The following COL6A1 variants were observed in gnomAD, a reference collection of about 807,000 sequenced individuals.
The protein encoded by COL6A1 is collagen alpha-1(VI) chain.
COL6A1 carries 80 observed loss-of-function variants against 145.6 expected under a neutral mutation model. The ratio of observed to expected loss-of-function variants is 0.55; its 90% CI spans 0.46 to 0.66. COL6A1 has a LOEUF of 0.66. COL6A1 is among the 30% of genes least tolerant of loss of function. The pLI is 0.00. For synonymous variants in COL6A1, 638 were observed against 622.8 expected (o/e 1.02, Z -0.36); for missense variants, 1,364 against 1,473.8 (o/e 0.93, Z 1.22).
chr21:46,000,131 G>A (rs961355029), intron 27 of COL6A1, among the ~76,000 whole-genome samples, 200 bp from the exon 28 acceptor site: 10 of 152,074 alleles, frequency 6.6e-5, no homozygotes, highest in South Asian at 2.1e-4. Context: ...CCATGACTGC[G>A]CTGTTTCTAT....
chr21:45,983,057 T>C (rs993323936), intron 2 of COL6A1, among the ~76,000 whole-genome samples: 4 of 150,510 alleles, frequency 2.7e-5, no homozygotes, highest in Non-Finnish European at 4.4e-5. Context: ...GAGGCTGAGA[T>C]GTAGGGAAGA....
rs756884829 is a variant in COL6A1 at position 45,992,050 on chromosome 21, G to A, written c.1160G>A (p.Ser387Asn). Residue 387 changes from serine (S) to asparagine (N), a missense_variant, in exon 16 of 35, where the codon AGC (serine) becomes AAC (asparagine). Ser to Asn is a conservative substitution (Grantham distance 46). Coordinates refer to ENST00000361866, the MANE Select transcript of COL6A1 (RefSeq NM_001848.3). The stretch of plus-strand genomic sequence containing the variant: ...GACGGGGAGGCGGGGAGACCAGGGA[G>A]CTCGGGACCATCTGGAGACGAGGTG... The part of the protein sequence containing the change: ...GADGEAGRPG[S>N]SGPSGDEGQP... The A allele has an allele frequency of 9.8e-5, 158 of 1,609,476 alleles. No homozygotes were observed. Among genetic ancestry groups the A allele is most frequent in the Non-Finnish European group, 1.1e-4 (135 of 1,178,448 alleles).
rs1318753956 is a variant in COL6A1 at position 45,992,481 on chromosome 21, C to T, written c.1272+83C>T. 9 of 1,506,022 alleles carry T rather than the reference C, an allele frequency of 6.0e-6. No homozygotes were observed. The East Asian group carries it at 2.1e-4, about 35-fold the overall frequency. The allele number at this position is 1,506,022 out of a possible 1,614,324, so 93.3% of individuals were successfully genotyped here. Reference sequence around the variant, plus strand: ...CCTCTGCGGCCCAGTCTGGCCCTCCCAGCACTGAGAGCCATGGCCTCCTGC... The same window carrying T: ...CCTCTGCGGCCCAGTCTGGCCCTCCTAGCACTGAGAGCCATGGCCTCCTGC... On this transcript the variant is annotated intron_variant, in intron 18 of 34. Transcript: ENST00000361866.
rs373678913 is a variant in COL6A1 at position 45,992,143 on chromosome 21, T to C, written c.1183-21T>C. ...GAGGGTCAAGGAGATGGAGCGACCA[T>C]TCAACCCTTGTTCCCCACAGGGCCA... is the stretch of plus-strand genomic sequence containing the variant. On this transcript the variant is annotated intron_variant, in intron 16 of 34. Transcript: ENST00000361866. 6.1e-5 allele frequency: 99 copies of C among 1,613,520 alleles called. No homozygotes were observed. In the African/African-American group the frequency reaches 1.1e-3, roughly 18 times the overall value.
intron 20 of COL6A1, among the ~76,000 whole-genome samples, chr21:45,995,093 G>C (rs1358990688): frequency 6.6e-6 from 1 of 152,242 alleles, no homozygotes; most frequent in Non-Finnish European, 1.5e-5. Context: ...TTCTGTGCAC[G>C]AGGTGAAATC....
chr21:45,999,915 T>TGGG (rs749345684), intron 27 of COL6A1, among the ~76,000 whole-genome samples: 2 of 16,030 alleles, frequency 1.2e-4, no homozygotes, highest in African/African-American at 1.6e-4. Flanking sequence ...GTGAGGATCA[T>TGGG]GGGGGACATG....
At chr21:45,998,035 G>C in intron 22 of COL6A1, 86 bp from the exon 23 acceptor site, 2 of 1,522,582 alleles carry the variant, frequency 1.3e-6, no homozygotes, top group South Asian at 1.2e-5. Flanking sequence ...GGGGCCCTGC[G>C]GGTGAGGTGC....
In COL6A1 at chr21:45,987,094, CG is replaced by C. The variant is rs1569517907; in HGVS notation, c.717+26del. On this transcript the variant is annotated intron_variant, in intron 5 of 34. Coordinates refer to ENST00000361866, the MANE Select transcript of COL6A1 (RefSeq NM_001848.3). Reference sequence around the variant, plus strand: ...GATCGTGAGGCCCCTGCCCAGGAGACGGGGAGGCCCGCGGCGGCCGCAGGTG... The same window carrying C: ...GATCGTGAGGCCCCTGCCCAGGAGACGGGAGGCCCGCGGCGGCCGCAGGTG... The C allele has an allele frequency of 2.6e-6, 4 of 1,564,640 alleles. 1 individual carries two copies. In the Admixed American group the frequency reaches 7.6e-5, roughly 30 times the overall value.
In COL6A1 at chr21:45,986,891, C is replaced by A. The variant is rs149391064; in HGVS notation, c.589-53C>A. The stretch of plus-strand genomic sequence containing the variant: ...CCCTCTGGCCCTGTGGGAAGCGGCC[C>A]CGGCCGTCAGGGGTCCCAGCCCTGC... On this transcript the variant is annotated intron_variant, in intron 4 of 34. Transcript: ENST00000361866. 1,428 of 1,535,390 alleles carry A rather than the reference C, an allele frequency of 9.3e-4. 12 individuals are homozygous for A. In the African/African-American group the frequency reaches 0.018, roughly 19 times the overall value.
rs781341547 is a variant in COL6A1 at position 46,001,982 on chromosome 21, G to A, written c.1978G>A (p.Ala660Thr). Residue 660 changes from alanine (A) to threonine (T), a missense_variant, in exon 31 of 35, where the codon GCG becomes ACG. By Grantham distance (58) the Ala-to-Thr change is moderately conservative. Coordinates refer to ENST00000361866, the MANE Select transcript of COL6A1 (RefSeq NM_001848.3). ...ACAGTTCGAGCCAGGGCAGTCGTAC[G>A]CGGGTGTGGTGCAGTACAGCCACAG... ...LVKFEPGQSY[A>T]GVVQYSHSQM... 38 of 1,612,454 alleles carry A rather than the reference G, an allele frequency of 2.4e-5. 1 individual carries two copies. In the Middle Eastern group the frequency reaches 4.9e-4, roughly 21 times the overall value.
In COL6A1 at chr21:45,999,638, T is replaced by G; in HGVS notation, c.1741-19T>G. 1.2e-6 allele frequency: 2 copies of G among 1,613,178 alleles called. No individual in the cohort carries two copies. Among genetic ancestry groups the G allele is most frequent in the Non-Finnish European group, 1.7e-6 (2 of 1,179,862 alleles). On this transcript the variant is annotated intron_variant, in intron 26 of 34. Coordinates refer to ENST00000361866, the MANE Select transcript of COL6A1 (RefSeq NM_001848.3). ...GGGCTCCTCACCCTCAGAGCTCCTC[T>G]ACTCCGTTTCTCGGACAGGGACCCC...
chr21:45,989,381 C>T (rs550682504), intron 9 of COL6A1, among the ~76,000 whole-genome samples: 142 of 152,310 alleles, frequency 9.3e-4, no homozygotes, highest in African/African-American at 3.2e-3. Context: ...GTGCTCAGGC[C>T]GGCACCGTCC....
chr21:45,986,181 G>A (rs927609704), intron 3 of COL6A1, among the ~76,000 whole-genome samples: 1 of 152,178 alleles, frequency 6.6e-6, no homozygotes, highest in Admixed American at 6.5e-5. Context: ...GTGGGTAGAC[G>A]CGGCGGGCAT....
At chr21:45,997,276 C>T in intron 20 of COL6A1, 145 bp from the exon 21 acceptor site, 1 of 786,792 alleles carries the variant, frequency 1.3e-6, no homozygotes, top group Non-Finnish European at 2.2e-6. Context: ...AAGAGTGGGC[C>T]TGGCTCTCCC....
At chr21:45,987,715 C>G in intron 8 of COL6A1, 61 bp downstream of exon 8, 1 of 1,548,726 alleles carries the variant, frequency 6.5e-7, no homozygotes, top group East Asian at 2.3e-5. Flanking sequence ...GGTGGCAGGA[C>G]CAAAGCCTCC....
At position 45,998,897 on chromosome 21, in the gene COL6A1, G is replaced by A; in HGVS notation, c.1612G>A (p.Gly538Ser). The A allele has an allele frequency of 1.3e-6, 2 of 1,554,504 alleles. No individual in the cohort carries two copies. The highest frequency in any genetic ancestry group is 1.7e-6 in the Non-Finnish European group (2 of 1,148,512). ...PGNRGAPGIN[G>S]TKGYPGLKGD... ...ACCAAGTGCTCTCCCGTCACTGCAGGGCACGAAGGGCTACCCCGGCCTCAA... is the reference window on the plus strand; with the variant it reads ...ACCAAGTGCTCTCCCGTCACTGCAGAGCACGAAGGGCTACCCCGGCCTCAA... The change falls in exon 25 of 35, where the codon GGC (glycine) becomes AGC (serine). Residue 538 changes from glycine (G) to serine (S), a missense_variant and splice_region_variant. Transcript: ENST00000361866.
In COL6A1 at chr21:46,002,351, A is replaced by T; in HGVS notation, c.2200A>T (p.Thr734Ser). ...GGTCATCACTGACGGGCGCTCAGAC[A>T]CTCAGAGGGACACCACACCGCTCAA... ...ALVITDGRSD[T>S]QRDTTPLNVL... The change falls in exon 32 of 35, where the codon ACT becomes TCT. Residue 734 changes from threonine to serine, a missense_variant. Thr to Ser is a moderately conservative substitution (Grantham distance 58, BLOSUM62 1). Coordinates refer to ENST00000361866, the MANE Select transcript of COL6A1 (RefSeq NM_001848.3). The T allele has an allele frequency of 1.3e-6, 2 of 1,592,066 alleles. No individual in the cohort carries two copies. Among genetic ancestry groups the T allele is most frequent in the Non-Finnish European group, 1.7e-6 (2 of 1,170,070 alleles).
At chr21:45,989,692 C>T (rs80311096) in intron 10 of COL6A1, 40 bp downstream of exon 10, 5 of 1,613,124 alleles carry the variant, frequency 3.1e-6, no homozygotes, top group Middle Eastern at 1.6e-4. Flanking sequence ...CCGGTGGTGC[C>T]CTCAGCCTTG....
At chr21:46,000,955 C>A in intron 29 of COL6A1, 188 bp downstream of exon 29, 1 of 757,332 alleles carries the variant, frequency 1.3e-6, no homozygotes, top group Non-Finnish European at 2.2e-6. Flanking sequence ...TGGGCCCCGC[C>A]CTCTTTCACC....
Sources: allele counts gnomAD v4.1 joint callset (sites outside exome capture counted in the v4.1 genomes callset), GRCh38; gene constraint gnomAD v4.1.1; transcripts MANE v1.5; gene names NCBI Gene and HGNC (gene_info 2026-07-23, HGNC 2026-07-21).